The following PLD5 variants were observed in gnomAD, a reference collection of about 807,000 sequenced individuals.
PLD5 encodes inactive phospholipase D5.
PLD5 carries 36 observed loss-of-function variants against 61.1 expected under a neutral mutation model. The ratio of observed to expected loss-of-function variants is 0.59; its 90% CI spans 0.45 to 0.78. The LOEUF is 0.78. Ranked by LOEUF, PLD5 falls within the 30% of genes least tolerant of loss-of-function variation. PLD5 has a pLI of 0.00. For synonymous variants in PLD5, 243 were observed against 242.8 expected (o/e 1.00, Z -0.01); for missense variants, 515 against 644.4 (o/e 0.80, Z 2.17).
At chr1:242,461,602 T>C (rs1235315401) in intron 1 of PLD5, among the ~76,000 whole-genome samples, 4 of 152,248 alleles carry the variant, frequency 2.6e-5, no homozygotes, top group African/African-American at 9.6e-5. Flanking sequence ...TTCGGGTATA[T>C]ACCCACTAAT....
At chr1:242,229,084 AT>A (rs1271263443) in intron 4 of PLD5, among the ~76,000 whole-genome samples, 1 of 152,228 alleles carries the variant, frequency 6.6e-6, no homozygotes, top group African/African-American at 2.4e-5. Flanking sequence ...AACTCAAGCA[AT>A]TTTTAGCAAA....
At chr1:242,510,600 C>G (rs1184707757) in intron 1 of PLD5, among the ~76,000 whole-genome samples, 4 of 152,152 alleles carry the variant, frequency 2.6e-5, no homozygotes, top group Non-Finnish European at 5.9e-5. Flanking sequence ...AATCCCAGCA[C>G]TTTGGGAGGC....
intron 5 of PLD5, among the ~76,000 whole-genome samples, chr1:242,179,668 C>T (rs912094634): frequency 2.6e-5 from 4 of 152,190 alleles, no homozygotes; most frequent in South Asian, 2.1e-4. Context: ...TTTGGGAGGC[C>T]GAGGCGGGCA....
chr1:242,434,900 G>T (rs1665915348), intron 1 of PLD5, among the ~76,000 whole-genome samples: 1 of 152,002 alleles, frequency 6.6e-6, no homozygotes, highest in Non-Finnish European at 1.5e-5. Context: ...TAAAGTTCAG[G>T]GTACATGTGA....
intron 5 of PLD5, chr1:242,147,664 G>T (rs557492059): frequency 8.7e-6 from 1 of 114,800 alleles, no homozygotes; most frequent in Non-Finnish European, 1.8e-5. Flanking sequence ...TTGTATACTT[G>T]CTGGAACTTG....
At chr1:242,312,464 AGT>A (rs1169091372) in intron 2 of PLD5, among the ~76,000 whole-genome samples, 3 of 151,964 alleles carry the variant, frequency 2.0e-5, no homozygotes, top group African/African-American at 7.3e-5. Context: ...TTTCTCTAAT[AGT>A]CTCGCCTTTG....
At chr1:242,133,025 T>C in intron 5 of PLD5, among the ~76,000 whole-genome samples, 1 of 142,926 alleles carries the variant, frequency 7.0e-6, no homozygotes. Flanking sequence ...CCCCCTCTCT[T>C]CCCACCCCCG....
intron 5 of PLD5, among the ~76,000 whole-genome samples, chr1:242,160,306 G>T (rs897913146): frequency 1.3e-5 from 2 of 151,844 alleles, no homozygotes; most frequent in African/African-American, 4.9e-5. Context: ...TAGGCAGATG[G>T]CCCACAGGCT....
At chr1:242,415,028 A>G (rs1385571990) in intron 1 of PLD5, among the ~76,000 whole-genome samples, 1 of 152,226 alleles carries the variant, frequency 6.6e-6, no homozygotes, top group African/African-American at 2.4e-5. Context: ...TATGAGAAAA[A>G]TCAAACTAGA....
At chr1:242,390,006 C>T (rs573996484) in intron 1 of PLD5, among the ~76,000 whole-genome samples, 2 of 117,872 alleles carry the variant, frequency 1.7e-5, no homozygotes, top group Admixed American at 1.6e-4. Flanking sequence ...AATAATGATA[C>T]AAATAATAAT....
intron 9 of PLD5, among the ~76,000 whole-genome samples, chr1:242,094,621 A>G (rs1660083558): frequency 6.6e-6 from 1 of 152,148 alleles, no homozygotes; most frequent in South Asian, 2.1e-4. Context: ...GGGAATTAAC[A>G]TTTTGCTAAA....
intron 1 of PLD5, chr1:242,377,035 T>C (rs1662002980): frequency 1.9e-6 from 3 of 1,611,644 alleles, no homozygotes; most frequent in Non-Finnish European, 2.5e-6. Context: ...ACTTTGCACT[T>C]TCTGTCTGAC....
intron 5 of PLD5, among the ~76,000 whole-genome samples, chr1:242,137,382 T>A (rs1211978192): frequency 6.6e-6 from 1 of 152,214 alleles, no homozygotes; most frequent in Non-Finnish European, 1.5e-5. Flanking sequence ...CTCTAATAAA[T>A]CTGCCTTTCT....
Position 242,089,760 on chromosome 1 carries a change from A to T in PLD5, c.*94T>A. Reference sequence around the variant, plus strand: ...TTTTTTATAAGTGTGCTTTTTCCCTAAAAAAAGAGACATATTAAAGTGTTT... The same window carrying T: ...TTTTTTATAAGTGTGCTTTTTCCCTTAAAAAAGAGACATATTAAAGTGTTT... On this transcript the variant is annotated 3_prime_UTR_variant, in exon 10 of 10. Transcript: ENST00000536534. The T allele has an allele frequency of 6.7e-7, 1 of 1,484,540 alleles. No homozygotes were observed. The highest frequency in any genetic ancestry group is 1.2e-5 in the South Asian group (1 of 80,404). The allele number at this position is 1,484,540 out of a possible 1,614,324, so 92.0% of individuals were successfully genotyped here.
intron 1 of PLD5, among the ~76,000 whole-genome samples, chr1:242,511,647 A>C (rs1008912570): frequency 6.6e-6 from 1 of 152,166 alleles, no homozygotes; most frequent in East Asian, 1.9e-4. Flanking sequence ...CCTGATCTGT[A>C]TGCCTTTAAA....
rs76326535 is a variant in PLD5, at chr1:242,369,327, G to A, written c.190-21085C>T. Among the ~76,000 whole-genome samples, 901 of 152,040 alleles carry A rather than the reference G, an allele frequency of 5.9e-3. 7 individuals carry two copies. The highest frequency in any genetic ancestry group is 0.02 in the Middle Eastern group (6 of 294). On this transcript the variant is annotated intron_variant, in intron 1 of 9. Coordinates refer to ENST00000536534, the MANE Select transcript of PLD5 (RefSeq NM_001372062.1). ...AGCTTGCTTACATGGCAATTTGGCAGTTTTTATCAGAATTTTAAATGTACA... is the reference window on the plus strand; with the variant it reads ...AGCTTGCTTACATGGCAATTTGGCAATTTTTATCAGAATTTTAAATGTACA...
chr1:242,361,547 T>G (rs1185201992), intron 1 of PLD5, among the ~76,000 whole-genome samples: 1 of 152,126 alleles, frequency 6.6e-6, no homozygotes, highest in African/African-American at 2.4e-5. Context: ...ATAAACAAGT[T>G]TATCATCTAA....
intron 1 of PLD5, among the ~76,000 whole-genome samples, chr1:242,421,176 C>CAA (rs5782234): frequency 1.3e-3 from 86 of 64,876 alleles, no homozygotes; most frequent in Middle Eastern, 0.011. Context: ...GACTCCACCT[C>CAA]AAAAAAAAAA....
chr1:242,318,158 G>A (rs1163500228), intron 2 of PLD5, among the ~76,000 whole-genome samples: 1 of 152,172 alleles, frequency 6.6e-6, no homozygotes, highest in Non-Finnish European at 1.5e-5. Context: ...ACAAAATGAC[G>A]TGCCCTGGGG....
Sources: gnomAD v4.1 joint callset for allele counts (sites outside exome capture counted in the v4.1 genomes callset) on GRCh38, gnomAD v4.1.1 for gene constraint, MANE v1.5 for transcripts, NCBI Gene and HGNC (gene_info 2026-07-23, HGNC 2026-07-21) for gene names.